PLEKHO1: variants seen among roughly 807,000 people sequenced by gnomAD.
PLEKHO1 encodes the protein pleckstrin homology domain-containing family O member 1.
A neutral mutation model predicts 41.4 loss-of-function variants in PLEKHO1; 22 were observed. The ratio of observed to expected loss-of-function variants is 0.53; its 90% confidence interval spans 0.38 to 0.76. The LOEUF (loss-of-function observed/expected upper bound fraction) is 0.76. Among genes scored for constraint, PLEKHO1 ranks in the 30% least tolerant of loss-of-function variants. The pLI is 0.00. For synonymous variants in PLEKHO1, 225 were observed against 210.8 expected (o/e 1.07, Z -0.58); for missense variants, 488 against 518.3 (o/e 0.94, Z 0.57).
At chr1:150,150,388 G>GCGCCCC (rs1322228939) in intron 1 of PLEKHO1, 101 bp downstream of exon 1, 3 of 471,592 alleles carry the variant, frequency 6.4e-6, no homozygotes, top group Non-Finnish European at 5.5e-6. Context: ...CGGCCCGGCC[G>GCGCCCC]CGCCCCCGCC....
In PLEKHO1 at chr1:150,159,596, A is replaced by G; in HGVS notation, c.*73A>G. 1.0e-6 allele frequency: 1 copy of G among 992,662 alleles called. No homozygotes were observed. Among genetic ancestry groups the G allele is most frequent in the East Asian group, 2.6e-5 (1 of 38,428 alleles). 61.5% of individuals were successfully genotyped at this position (992,662 alleles called of 1,614,324 possible). ...CCGTGTTGCTGGATAAAGCTTTTTT[A>G]TTTACCTCAATCAAAAAAAGAAAAC... On this transcript the variant is annotated 3_prime_UTR_variant, in exon 6 of 6. Coordinates refer to ENST00000369124, the MANE Select transcript of PLEKHO1 (RefSeq NM_016274.6).
intron 3 of PLEKHO1, among the ~76,000 whole-genome samples, chr1:150,156,463 C>T (rs1164872298): frequency 6.6e-6 from 1 of 152,218 alleles, no homozygotes; most frequent in Non-Finnish European, 1.5e-5. Context: ...TATACACACA[C>T]ATCCACACAT....
intron 3 of PLEKHO1, 125 bp from the exon 4 acceptor site, chr1:150,156,761 CCTTAAGTTATGGATGACTCTGGAAG>C (rs1354660952): frequency 3.3e-6 from 2 of 602,078 alleles, no homozygotes; most frequent in African/African-American, 3.7e-5. Context: ...AGCTGGGTTT[CCTTAAGTTATGGATGACTCTGGAAG>C]CAGAATATCT....
Position 150,159,583 on chromosome 1 carries a change from A to C in PLEKHO1, c.*60A>C. ...CAGACTCTTATCTCCGTGTTGCTGG[A>C]TAAAGCTTTTTTATTTACCTCAATC... is the stretch of plus-strand genomic sequence containing the variant. On this transcript the variant is annotated 3_prime_UTR_variant, in exon 6 of 6. Transcript: ENST00000369124. The C allele has an allele frequency of 8.6e-7, 1 of 1,156,426 alleles. No individual in the cohort carries two copies. Among genetic ancestry groups the C allele is most frequent in the Non-Finnish European group, 1.2e-6 (1 of 826,590 alleles). 71.6% of individuals were successfully genotyped at this position (1,156,426 alleles called of 1,614,324 possible).
In PLEKHO1 at chr1:150,157,075, C is replaced by A. The variant is rs587604985; in HGVS notation, c.423+60C>A. 4.3e-4 allele frequency: 459 copies of A among 1,071,194 alleles called. 1 individual carries two copies. Among genetic ancestry groups the A allele is most frequent in the Non-Finnish European group, 6.3e-4 (432 of 686,084 alleles). 66.4% of individuals were successfully genotyped at this position (1,071,194 alleles called of 1,614,324 possible). A position where few individuals can be genotyped will look rare whatever the true frequency, so the allele number is the denominator to read the frequency against. The stretch of plus-strand genomic sequence containing the variant: ...CTGGGGCAGAGGGAACAGCTGTGAC[C>A]CACTGAAGGGGGAGGATTGTGCAGG... On this transcript the variant is annotated intron_variant, in intron 4 of 5. Transcript: ENST00000369124.
At position 150,159,492 on chromosome 1, in the gene PLEKHO1, C is replaced by T. The variant is rs150382228; in HGVS notation, c.1199C>T (p.Pro400Leu). 1.2e-3 allele frequency: 1,877 copies of T among 1,612,164 alleles called. 2 individuals are homozygous for T. Among genetic ancestry groups the T allele is most frequent in the Non-Finnish European group, 1.5e-3 (1,734 of 1,178,772 alleles). Residue 400 changes from proline to leucine, a missense_variant, in exon 6 of 6, where the codon CCG becomes CTG. Physicochemically the swap from Pro to Leu is moderately conservative, Grantham distance 98. Transcript: ENST00000369124. Reference protein sequence around the residue: ...TPDSHLRQTTPHSQYRKSLM With the variant: ...TPDSHLRQTTLHSQYRKSLM ...GACTCCCACCTCAGACAGACCACCC[C>T]GCACAGTCAGTACCGGAAGAGCCTG...
intron 1 of PLEKHO1, 124 bp downstream of exon 1, chr1:150,150,411 T>G (rs1317089712): frequency 3.1e-6 from 1 of 320,846 alleles, no homozygotes; most frequent in South Asian, 1.2e-4. Flanking sequence ...GGCGGCCCGG[T>G]CCCCTCGGCC....
At chr1:150,151,670 A>G (rs1659939443) in intron 2 of PLEKHO1, among the ~76,000 whole-genome samples, 1 of 124,272 alleles carries the variant, frequency 8.0e-6, no homozygotes, top group Admixed American at 9.6e-5. Context: ...CCCATTTTCT[A>G]CCCACTTCCT....
chr1:150,152,712 A>AAAAAAG (rs1660001865), intron 2 of PLEKHO1: 3 of 150,502 alleles, frequency 2.0e-5, no homozygotes, highest in African/African-American at 7.3e-5. Flanking sequence ...AAAAAAAAAA[A>AAAAAAG]CAAGTGTCAA....
chr1:150,158,276 A>G lies in PLEKHO1; in HGVS notation c.526-543A>G, dbSNP rs587701602. Among the ~76,000 whole-genome samples, 28 of 152,308 alleles carry G rather than the reference A, an allele frequency of 1.8e-4. No homozygotes were observed. The South Asian group carries it at 5.4e-3, about 29-fold the overall frequency. On this transcript the variant is annotated intron_variant, in intron 5 of 5. Transcript: ENST00000369124. Reference sequence around the variant, plus strand: ...GAAGAGGGCGCCCCTCAGGAAGCTTATGGTAGAGTGGAGAATACAGGAAAC... The same window carrying G: ...GAAGAGGGCGCCCCTCAGGAAGCTTGTGGTAGAGTGGAGAATACAGGAAAC...
chr1:150,157,631 T>G, intron 5 of PLEKHO1, 145 bp downstream of exon 5: 1 of 602,518 alleles, frequency 1.7e-6, no homozygotes. Context: ...ACCCAATGCC[T>G]CTGCCAGATC....
At chr1:150,155,687 A>T (rs56402847) in intron 2 of PLEKHO1, 3,253 of 167,200 alleles carry the variant, frequency 0.019, 92 homozygotes, top group African/African-American at 0.073. Context: ...TGTCTTACTG[A>T]GGGCAATGGA....
intron 2 of PLEKHO1, chr1:150,155,726 C>G (rs587737405): frequency 5.2e-6 from 1 of 192,114 alleles, no homozygotes; most frequent in African/African-American, 2.3e-5. Flanking sequence ...CCTTTAAGGA[C>G]GTGAGCCTTT....
chr1:150,158,989 C>G lies in PLEKHO1; in HGVS notation c.696C>G (p.Pro232=). The change falls in exon 6 of 6, where the codon CCC becomes CCG. Residue 232 remains proline, a synonymous_variant. Coordinates refer to ENST00000369124, the MANE Select transcript of PLEKHO1 (RefSeq NM_016274.6). ...GAGCGGACTCAGACCGCATCCAGCC[C>G]TCCGCAGACCGGGCAAGCAGTCTCT... ...RRRADSDRIQ[P]SADRASSLSR... The G allele has an allele frequency of 1.2e-6, 2 of 1,614,154 alleles. No homozygotes were observed. Among genetic ancestry groups the G allele is most frequent in the Non-Finnish European group, 1.7e-6 (2 of 1,180,008 alleles).
At chr1:150,155,468 T>A (rs1053810658) in intron 2 of PLEKHO1, 4 of 152,262 alleles carry the variant, frequency 2.6e-5, no homozygotes, top group African/African-American at 7.2e-5. Flanking sequence ...GGGGCTGCCG[T>A]CCTGTGGTGG....
rs1559965338 is a variant in PLEKHO1 at position 150,160,047 on chromosome 1, TA to T, written c.*528del. On this transcript the variant is annotated 3_prime_UTR_variant, in exon 6 of 6. Coordinates refer to ENST00000369124, the MANE Select transcript of PLEKHO1 (RefSeq NM_016274.6). ...CAGCCCTGAGGAGGATTTGTGGAATTAAAATCTCCCCAGCCAGACACTGGCT... is the reference window on the plus strand; with the variant it reads ...CAGCCCTGAGGAGGATTTGTGGAATTAAATCTCCCCAGCCAGACACTGGCT... 6.6e-6 allele frequency: 1 copy of T among 152,612 alleles called. No homozygotes were observed. The allele number at this position is 152,612 out of a possible 1,614,324, so 9.5% of individuals were successfully genotyped here.
intron 2 of PLEKHO1, chr1:150,155,547 G>C (rs972572481): frequency 6.6e-6 from 1 of 152,402 alleles, no homozygotes; most frequent in East Asian, 1.9e-4. Context: ...GAAGCGAGGT[G>C]GGGTGGGAGA....
At chr1:150,151,138 C>A in intron 2 of PLEKHO1, 80 bp downstream of exon 2, 1 of 1,527,286 alleles carries the variant, frequency 6.5e-7, no homozygotes, top group Non-Finnish European at 9.0e-7. Context: ...CTAGCTTACT[C>A]CACCCCCGTT....
chr1:150,156,861 G>A (rs372148988), intron 3 of PLEKHO1, 50 bp from the exon 4 acceptor site: 1 of 1,013,330 alleles, frequency 9.9e-7, no homozygotes, highest in East Asian at 2.4e-5. Flanking sequence ...TTGTCAAGGT[G>A]AGGCACCACC....
Sources: gnomAD v4.1 joint callset for allele counts (sites outside exome capture counted in the v4.1 genomes callset) on GRCh38, gnomAD v4.1.1 for gene constraint, MANE v1.5 for transcripts, NCBI Gene and HGNC (gene_info 2026-07-23, HGNC 2026-07-21) for gene names.